Variants in NXPH2 observed in about 807,000 individuals in gnomAD.
NXPH2 encodes the protein neurexophilin 2.
In NXPH2, 5 loss-of-function variants were observed where a neutral mutation model predicts 19.8. The ratio of observed to expected loss-of-function variants is 0.25; its 90% CI spans 0.13 to 0.53. The LOEUF is 0.53. Ranked by LOEUF, NXPH2 falls within the 20% of genes least tolerant of loss-of-function variation. NXPH2 has a pLI of 0.96. For synonymous variants in NXPH2, 154 were observed against 127.4 expected (o/e 1.21, Z -1.41); for missense variants, 289 against 322.8 (o/e 0.90, Z 0.80).
intron 1 of NXPH2, among the ~76,000 whole-genome samples, chr2:138,757,284 A>G (rs1472539483): frequency 6.6e-6 from 1 of 152,150 alleles, no homozygotes; most frequent in African/African-American, 2.4e-5. Flanking sequence ...TAGATGGGCC[A>G]TGAGAGAGAT....
intron 1 of NXPH2, among the ~76,000 whole-genome samples, chr2:138,681,125 T>C (rs1157303760): frequency 6.6e-6 from 1 of 152,226 alleles, no homozygotes; most frequent in Non-Finnish European, 1.5e-5. Context: ...GTCATGATTA[T>C]GCTATAGCCC....
At chr2:138,717,926 C>T (rs1681216583) in intron 1 of NXPH2, among the ~76,000 whole-genome samples, 1 of 151,914 alleles carries the variant, frequency 6.6e-6, no homozygotes, top group Non-Finnish European at 1.5e-5. Context: ...TTAGACCTCT[C>T]AAACATTATA....
At chr2:138,725,893 A>G (rs999274470) in intron 1 of NXPH2, among the ~76,000 whole-genome samples, 2 of 152,116 alleles carry the variant, frequency 1.3e-5, no homozygotes, top group African/African-American at 2.4e-5. Flanking sequence ...CATTATCTCC[A>G]TTTATATTCT....
chr2:138,742,514 A>T (rs1407079514), intron 1 of NXPH2, among the ~76,000 whole-genome samples: 7 of 152,178 alleles, frequency 4.6e-5, no homozygotes, highest in Non-Finnish European at 8.8e-5. Context: ...ATTTCTGTGG[A>T]ATGTTCATTT....
intron 1 of NXPH2, among the ~76,000 whole-genome samples, chr2:138,734,615 C>T (rs918009732): frequency 1.3e-5 from 2 of 152,052 alleles, no homozygotes; most frequent in African/African-American, 4.8e-5. Context: ...GATGGGAATG[C>T]CAGCTATAAA....
chr2:138,688,242 G>A (rs1223299134), intron 1 of NXPH2, among the ~76,000 whole-genome samples: 3 of 152,168 alleles, frequency 2.0e-5, no homozygotes, highest in South Asian at 2.1e-4. Context: ...GGAGTGCAAC[G>A]GCACAATCTC....
At chr2:138,770,050 G>A (rs966466664) in intron 1 of NXPH2, among the ~76,000 whole-genome samples, 6 of 152,258 alleles carry the variant, frequency 3.9e-5, no homozygotes, top group Non-Finnish European at 7.4e-5. Context: ...GATTCAATAA[G>A]GGTTGGTTGA....
intron 1 of NXPH2, among the ~76,000 whole-genome samples, chr2:138,749,667 T>C (rs1351950090): frequency 6.6e-6 from 1 of 152,176 alleles, no homozygotes; most frequent in Non-Finnish European, 1.5e-5. Context: ...TTGAAGACAG[T>C]TGCAGAAAAA....
At chr2:138,684,300 CAAACA>C (rs1680617200) in intron 1 of NXPH2, among the ~76,000 whole-genome samples, 2 of 151,846 alleles carry the variant, frequency 1.3e-5, no homozygotes, top group South Asian at 4.2e-4. Flanking sequence ...ACACCAAAAA[CAAACA>C]AAACAAAACA....
intron 1 of NXPH2, among the ~76,000 whole-genome samples, chr2:138,678,764 G>A (rs1308169511): frequency 1.3e-5 from 2 of 152,122 alleles, no homozygotes; most frequent in Non-Finnish European, 2.9e-5. Flanking sequence ...TACAGAATTA[G>A]AATTACTTGC....
intron 1 of NXPH2, among the ~76,000 whole-genome samples, chr2:138,739,634 CCAGGTTGAGG>C (rs1432806299): frequency 6.6e-6 from 1 of 152,036 alleles, no homozygotes; most frequent in Admixed American, 6.6e-5. Flanking sequence ...GACTTAGATG[CCAGGTTGAGG>C]ACGTTTGACT....
chr2:138,765,721 C>T (rs1682079706), intron 1 of NXPH2, among the ~76,000 whole-genome samples: 1 of 152,196 alleles, frequency 6.6e-6, no homozygotes. Context: ...ATTTTACACT[C>T]ACAATCACTG....
At chr2:138,750,941 C>T (rs1269154446) in intron 1 of NXPH2, among the ~76,000 whole-genome samples, 1 of 152,006 alleles carries the variant, frequency 6.6e-6, no homozygotes, top group African/African-American at 2.4e-5. Context: ...TCACTCTGGG[C>T]TCAGATCAAA....
intron 1 of NXPH2, among the ~76,000 whole-genome samples, chr2:138,758,479 GACA>G (rs1202843270): frequency 6.6e-6 from 1 of 152,126 alleles, no homozygotes; most frequent in Non-Finnish European, 1.5e-5. Context: ...CTAACTAATG[GACA>G]GGAAGAACCA....
chr2:138,715,214 T>C (rs1681175549), intron 1 of NXPH2, among the ~76,000 whole-genome samples: 1 of 152,226 alleles, frequency 6.6e-6, no homozygotes, highest in African/African-American at 2.4e-5. Flanking sequence ...GCACAATATT[T>C]ATTATCTATT....
chr2:138,734,319 G>C (rs564760371), intron 1 of NXPH2, among the ~76,000 whole-genome samples: 26 of 152,262 alleles, frequency 1.7e-4, no homozygotes, highest in African/African-American at 5.5e-4. Flanking sequence ...TGAGAAGCAG[G>C]ATTTACATTG....
intron 1 of NXPH2, among the ~76,000 whole-genome samples, chr2:138,751,673 C>T (rs905656932): frequency 2.0e-5 from 3 of 152,062 alleles, no homozygotes; most frequent in Non-Finnish European, 2.9e-5. Context: ...CCTTATTTTT[C>T]TTGGCCACCA....
In NXPH2 at chr2:138,706,497, G is replaced by C. The variant is rs188427545; in HGVS notation, c.52-34832C>G. On this transcript the variant is annotated intron_variant, in intron 1 of 1. Coordinates refer to ENST00000272641, the MANE Select transcript of NXPH2 (RefSeq NM_007226.3). ...TATCCAATTATTTTGAATTTTATGT[G>C]AGACAGCTGTTTGTCCCCATCCTGT... Among the ~76,000 whole-genome samples the C allele has an allele frequency of 9.7e-4, 148 of 152,306 alleles. 2 individuals are homozygous for C. The highest frequency in any genetic ancestry group is 3.4e-3 in the Middle Eastern group (1 of 294).
chr2:138,692,179 C>T (rs1248019204), intron 1 of NXPH2, among the ~76,000 whole-genome samples: 1 of 152,162 alleles, frequency 6.6e-6, no homozygotes, highest in Non-Finnish European at 1.5e-5. Flanking sequence ...AGCCTGGGAT[C>T]TGCCTAAATT....
Sources: gnomAD v4.1 joint callset for allele counts (sites outside exome capture counted in the v4.1 genomes callset) on GRCh38, gnomAD v4.1.1 for gene constraint, MANE v1.5 for transcripts, NCBI Gene and HGNC (gene_info 2026-07-23, HGNC 2026-07-21) for gene names.